The following MTRF1L variants were observed in gnomAD, a reference collection of about 807,000 sequenced individuals.
The protein encoded by MTRF1L is peptide chain release factor 1-like, mitochondrial.
Under a neutral mutation model 40.0 loss-of-function variants are expected in MTRF1L, and 29 were observed. That is an observed-to-expected ratio of 0.73 (90% CI 0.54 to 0.99). MTRF1L has a LOEUF of 0.99. Among genes scored for constraint, MTRF1L ranks in the 50% least tolerant of loss-of-function variants. The pLI, the probability that MTRF1L is intolerant of heterozygous loss-of-function variation, is 0.00. For missense variants in MTRF1L, 412 were observed against 464.5 expected (o/e 0.89, Z 1.04); for synonymous variants, 150 against 175.8 (o/e 0.85, Z 1.16).
intron 2 of MTRF1L, among the ~76,000 whole-genome samples, chr6:152,996,134 C>T (rs574858022): frequency 2.7e-4 from 41 of 152,196 alleles, no homozygotes; most frequent in African/African-American, 8.4e-4. Context: ...AACAGTTCTA[C>T]CTTAAGATGT....
intron 5 of MTRF1L, among the ~76,000 whole-genome samples, chr6:152,992,563 G>A (rs1015934352): frequency 1.3e-5 from 2 of 152,030 alleles, no homozygotes; most frequent in African/African-American, 4.8e-5. Context: ...ACTTCATTGT[G>A]AGAATTTTCT....
At position 152,993,294 on chromosome 6, in the gene MTRF1L, ATG is replaced by A. The variant is rs1231608426; in HGVS notation, c.688-322_688-321del. ...CTATTCTGCCTACTTTTAGAACTGA[ATG>A]TTTAAGGTTTTTTCAAATTTTTCTG... is the stretch of plus-strand genomic sequence containing the variant. On this transcript the variant is annotated intron_variant, in intron 4 of 6. Coordinates refer to ENST00000367233, the MANE Select transcript of MTRF1L (RefSeq NM_019041.7). Among the ~76,000 whole-genome samples the A allele has an allele frequency of 4.6e-5, 7 of 152,254 alleles. No individual in the cohort carries two copies. The East Asian group carries it at 7.7e-4, about 17-fold the overall frequency.
intron 1 of MTRF1L, among the ~76,000 whole-genome samples, chr6:152,999,139 T>C (rs565844874): frequency 3.3e-5 from 5 of 152,354 alleles, no homozygotes; most frequent in Non-Finnish European, 7.4e-5. Context: ...TTCTGCCTAA[T>C]GTATACAGAA....
In MTRF1L at chr6:152,991,208, TTTTA is replaced by T. The variant is rs757212045; in HGVS notation, c.915_918del (p.Asn305LysfsTer19). ...ACCTGAATTTTTCTAGCATTCTGTC[TTTTA>T]TTTATTTCTTCTTCTAGATGCATGC... On this transcript the variant is annotated frameshift_variant, in exon 6 of 7. Coordinates refer to ENST00000367233, the MANE Select transcript of MTRF1L (RefSeq NM_019041.7). LOFTEE classifies it high-confidence loss of function. 53 of 1,560,552 alleles carry T rather than the reference TTTTA, an allele frequency of 3.4e-5. No individual in the cohort carries two copies. The Middle Eastern group carries it at 9.2e-4, about 27-fold the overall frequency.
rs751066840 is a variant in MTRF1L at position 152,991,168 on chromosome 6, T to A, written c.942+17A>T. The stretch of plus-strand genomic sequence containing the variant: ...TATTTCTATCCTTTAAAAGCATTTT[T>A]AAAATTCTTTTTTTACCTGAATTTT... On this transcript the variant is annotated intron_variant, in intron 6 of 6. Coordinates refer to ENST00000367233, the MANE Select transcript of MTRF1L (RefSeq NM_019041.7). 7 of 1,452,092 alleles carry A rather than the reference T, an allele frequency of 4.8e-6. No individual in the cohort carries two copies. The highest frequency in any genetic ancestry group is 3.0e-5 in the African/African-American group (2 of 67,704). 90.0% of individuals were successfully genotyped at this position (1,452,092 alleles called of 1,614,324 possible).
chr6:152,997,593 G>A (rs935929222), intron 2 of MTRF1L, among the ~76,000 whole-genome samples: 1 of 152,114 alleles, frequency 6.6e-6, no homozygotes, highest in Non-Finnish European at 1.5e-5. Context: ...CTGGCTAGGG[G>A]CAAAAGTCAT....
rs73634625 is a variant in MTRF1L at position 152,992,777 on chromosome 6, A to T, written c.805+80T>A. ...GTATATACTTCTCTGGTAACCGAGG[A>T]TCTATTTCAGTGGAAAATTAGTCAT... On this transcript the variant is annotated intron_variant, in intron 5 of 6. Coordinates refer to ENST00000367233, the MANE Select transcript of MTRF1L (RefSeq NM_019041.7). 7.4e-3 allele frequency: 7,542 copies of T among 1,024,236 alleles called. 301 individuals are homozygous for T. The African/African-American group carries it at 0.093, about 13-fold the overall frequency. 63.4% of individuals were successfully genotyped at this position (1,024,236 alleles called of 1,614,324 possible).
At chr6:152,994,860 C>A (rs1463492346) in intron 3 of MTRF1L, 184 bp from the exon 4 acceptor site, 3 of 837,192 alleles carry the variant, frequency 3.6e-6, no homozygotes, top group Non-Finnish European at 5.5e-6. Context: ...AAGTACTAAA[C>A]AAAGCATTTA....
At chr6:152,990,344 T>A in intron 6 of MTRF1L, 1 of 504,502 alleles carries the variant, frequency 2.0e-6, no homozygotes, top group Non-Finnish European at 3.4e-6. Flanking sequence ...GGCAACTTAG[T>A]TTCCCGATCT....
intron 4 of MTRF1L, 91 bp downstream of exon 4, chr6:152,994,418 AATAG>A (rs1333088000): frequency 7.6e-7 from 1 of 1,310,798 alleles, no homozygotes; most frequent in Non-Finnish European, 1.0e-6. Context: ...AGGAAGACCA[AATAG>A]ATACTCAATT....
At chr6:152,997,867 A>T (rs1778766424) in intron 2 of MTRF1L, among the ~76,000 whole-genome samples, 1 of 151,850 alleles carries the variant, frequency 6.6e-6, no homozygotes, top group African/African-American at 2.4e-5. Flanking sequence ...TTGTTTCCTG[A>T]TCTTAAAAAC....
intron 2 of MTRF1L, among the ~76,000 whole-genome samples, chr6:152,995,596 C>G (rs1584100486): frequency 6.6e-6 from 1 of 152,170 alleles, no homozygotes; most frequent in Non-Finnish European, 1.5e-5. Flanking sequence ...TGCTTTGTAT[C>G]AGTTCTCTCT....
chr6:152,995,419 G>A (rs538607039), intron 2 of MTRF1L, 100 bp from the exon 3 acceptor site: 32 of 1,102,656 alleles, frequency 2.9e-5, no homozygotes, highest in East Asian at 5.2e-5. Flanking sequence ...TTTAAGTTTC[G>A]CCAAGCAAAT....
intron 5 of MTRF1L, among the ~76,000 whole-genome samples, chr6:152,991,776 C>A (rs1192684025): frequency 1.3e-5 from 2 of 152,162 alleles, no homozygotes; most frequent in Non-Finnish European, 2.9e-5. Context: ...GTCTCGATCT[C>A]CTGACCTCGT....
intron 1 of MTRF1L, among the ~76,000 whole-genome samples, chr6:152,999,232 A>G (rs1326641565): frequency 1.3e-5 from 2 of 152,092 alleles, no homozygotes; most frequent in African/African-American, 4.8e-5. Context: ...TTTTTACCTT[A>G]TAAAACATAC....
chr6:153,002,319 G>T, intron 1 of MTRF1L, 108 bp downstream of exon 1: 1 of 1,527,402 alleles, frequency 6.5e-7, no homozygotes, highest in South Asian at 1.1e-5. Flanking sequence ...AATAAAAACG[G>T]CTGCAAGTGA....
chr6:152,989,960 C>A lies in MTRF1L; in HGVS notation c.1078G>T (p.Val360Leu). ...MQGDYLLDEL[V>L]QSLKEYADYE... The stretch of plus-strand genomic sequence containing the variant: ...TCGGCGTATTCCTTCAATGACTGTA[C>A]AAGTTCATCCAGTAGATAATCTCCT... Residue 360 changes from valine (V) to leucine (L), a missense_variant, in exon 7 of 7, where the codon GTA (valine) becomes TTA (leucine). Physicochemically the swap from Val to Leu is conservative, Grantham distance 32 (BLOSUM62 1). Transcript: ENST00000367233. 1.2e-6 allele frequency: 2 copies of A among 1,613,606 alleles called. No individual in the cohort carries two copies. Among genetic ancestry groups the A allele is most frequent in the East Asian group, 2.2e-5 (1 of 44,838 alleles).
intron 5 of MTRF1L, among the ~76,000 whole-genome samples, chr6:152,992,335 T>G (rs998669087): frequency 2.0e-5 from 3 of 152,260 alleles, no homozygotes; most frequent in Middle Eastern, 3.2e-3. Context: ...ATAGTCCCTT[T>G]GCCTAACTAT....
At chr6:152,993,015 A>G (rs770618515) in intron 4 of MTRF1L, 41 bp from the exon 5 acceptor site, 21 of 1,492,858 alleles carry the variant, frequency 1.4e-5, no homozygotes, top group Non-Finnish European at 2.0e-5. Flanking sequence ...GATTACATGT[A>G]TCAACTTTAT....
Sources: allele counts gnomAD v4.1 joint callset (sites outside exome capture counted in the v4.1 genomes callset), GRCh38; gene constraint gnomAD v4.1.1; transcripts MANE v1.5; gene names NCBI Gene and HGNC (gene_info 2026-07-23, HGNC 2026-07-21).